DNAJC16: variants seen among roughly 807,000 people sequenced by gnomAD.
DNAJC16 encodes DnaJ heat shock protein family (Hsp40) member C16, also known as dnaJ homolog subfamily C member 16.
In DNAJC16, 76 loss-of-function variants were observed where a neutral mutation model predicts 92.7. That is an observed-to-expected ratio of 0.82 (90% CI 0.68 to 0.99). DNAJC16 has a LOEUF of 0.99. Among genes scored for constraint, DNAJC16 ranks in the 50% least tolerant of loss-of-function variants. The pLI, the probability that DNAJC16 is intolerant of heterozygous loss-of-function variation, is 0.00. For synonymous variants in DNAJC16, 328 were observed against 358.7 expected (o/e 0.91, Z 0.97); for missense variants, 869 against 942.4 (o/e 0.92, Z 1.02).
chr1:15,535,000 T>TATC (rs1222477418), intron 3 of DNAJC16, among the ~76,000 whole-genome samples: 5 of 152,250 alleles, frequency 3.3e-5, no homozygotes, highest in African/African-American at 1.2e-4. Context: ...TCAAGTAGAT[T>TATC]GGTCTGGAAT....
chr1:15,564,843 AT>A (rs111720991), intron 11 of DNAJC16, among the ~76,000 whole-genome samples: 1,671 of 142,680 alleles, frequency 0.012, 37 homozygotes, highest in African/African-American at 0.04. Flanking sequence ...TTTATTTTTT[AT>A]TTTTTTTTGA....
intron 7 of DNAJC16, among the ~76,000 whole-genome samples, chr1:15,556,287 T>C (rs1318967274): frequency 6.6e-6 from 1 of 152,106 alleles, no homozygotes; most frequent in Non-Finnish European, 1.5e-5. Flanking sequence ...CAGGCTGGAG[T>C]GCAATGGCCT....
chr1:15,551,781 TA>T (rs915738975), intron 7 of DNAJC16, among the ~76,000 whole-genome samples: 1 of 151,946 alleles, frequency 6.6e-6, no homozygotes, highest in African/African-American at 2.4e-5. Flanking sequence ...CTAATTTTTT[TA>T]AAAAATTTTT....
At chr1:15,527,288 C>T (rs994836395) in intron 1 of DNAJC16, among the ~76,000 whole-genome samples, 7 of 152,206 alleles carry the variant, frequency 4.6e-5, no homozygotes, top group Non-Finnish European at 1.0e-4. Context: ...CGCCGTCTAT[C>T]TCGCATGTCA....
At chr1:15,555,443 G>C (rs1638547191) in intron 7 of DNAJC16, among the ~76,000 whole-genome samples, 1 of 151,384 alleles carries the variant, frequency 6.6e-6, no homozygotes, top group Non-Finnish European at 1.5e-5. Flanking sequence ...CCAGCATTTT[G>C]GGAGGCTGAG....
At chr1:15,529,383 ATATC>A in intron 2 of DNAJC16, 111 bp downstream of exon 2, 3 of 1,087,728 alleles carry the variant, frequency 2.8e-6, no homozygotes, top group Non-Finnish European at 3.8e-6. Flanking sequence ...TTCAATATAT[ATATC>A]TGTCTAAAAT....
chr1:15,531,553 A>G (rs986991251), intron 2 of DNAJC16, among the ~76,000 whole-genome samples: 3 of 152,264 alleles, frequency 2.0e-5, no homozygotes, highest in Non-Finnish European at 2.9e-5. Flanking sequence ...GCCTTTGACA[A>G]TATTTTAAGA....
chr1:15,559,860 T>C (rs1638653120), intron 8 of DNAJC16, among the ~76,000 whole-genome samples: 1 of 151,700 alleles, frequency 6.6e-6, no homozygotes, highest in South Asian at 2.1e-4. Flanking sequence ...GGTCCGGAGT[T>C]CAAGACCAGC....
intron 8 of DNAJC16, among the ~76,000 whole-genome samples, 162 bp from the exon 9 acceptor site, chr1:15,561,980 G>A: frequency 6.6e-6 from 1 of 152,186 alleles, no homozygotes. Context: ...GTTTGTTAAT[G>A]ACTTGGAAAT....
chr1:15,532,112 A>G (rs1710675427), intron 2 of DNAJC16, among the ~76,000 whole-genome samples: 1 of 152,234 alleles, frequency 6.6e-6, no homozygotes, highest in Non-Finnish European at 1.5e-5. Flanking sequence ...TGTTATCCAC[A>G]TTAGCAAAAG....
In DNAJC16 at chr1:15,568,344, T is replaced by A; in HGVS notation, c.*167T>A. ...CCTTTGTCCTGTTCTAACCTAGGAA[T>A]GAAAAACACCACCAGTTTGAATCGC... On this transcript the variant is annotated 3_prime_UTR_variant, in exon 15 of 15. Coordinates refer to ENST00000375847, the MANE Select transcript of DNAJC16 (RefSeq NM_015291.4). 1 of 595,464 alleles carries A rather than the reference T, an allele frequency of 1.7e-6. No individual in the cohort carries two copies. The highest frequency in any genetic ancestry group is 2.8e-6 in the Non-Finnish European group (1 of 353,626). 36.9% of individuals were successfully genotyped at this position (595,464 alleles called of 1,614,324 possible).
intron 9 of DNAJC16, among the ~76,000 whole-genome samples, chr1:15,563,663 TAAA>T (rs57751838): frequency 2.4e-4 from 13 of 53,208 alleles, no homozygotes; most frequent in African/African-American, 8.1e-4. Context: ...CCATCTCTAC[TAAA>T]AAAAAAAAAA....
Position 15,550,490 on chromosome 1 carries a change from A to G in DNAJC16, c.1023+2062A>G, listed in dbSNP as rs182053174. Among the ~76,000 whole-genome samples the G allele has an allele frequency of 4.6e-5, 7 of 152,306 alleles. No homozygotes were observed. In the East Asian group the frequency reaches 1.4e-3, roughly 29 times the overall value. ...CTCTAGGTAATTTGTTGTCATTGCT[A>G]TATGGTATTTATGGCCATTATAATT... On this transcript the variant is annotated intron_variant, in intron 7 of 14. Coordinates refer to ENST00000375847, the MANE Select transcript of DNAJC16 (RefSeq NM_015291.4).
At chr1:15,534,357 G>A in intron 3 of DNAJC16, 54 bp downstream of exon 3, 2 of 1,577,018 alleles carry the variant, frequency 1.3e-6, no homozygotes, top group Non-Finnish European at 1.7e-6. Context: ...ATATGCCTTA[G>A]GAGGTGATGA....
Position 15,567,165 on chromosome 1 carries a change from G to T in DNAJC16, c.1845G>T (p.Leu615Phe). Residue 615 changes from leucine (L) to phenylalanine (F), a missense_variant, in exon 14 of 15, where the codon TTG becomes TTT. Transcript: ENST00000375847. ...ELTDVTYTSNLVRLRPGHMNV... is the reference protein window; with the variant it reads ...ELTDVTYTSNFVRLRPGHMNV... Reference sequence around the variant, plus strand: ...CAGATGTAACATACACCAGTAACTTGGTACGTCTGAGGCCAGGCCACATGA... The same window carrying T: ...CAGATGTAACATACACCAGTAACTTTGTACGTCTGAGGCCAGGCCACATGA... The T allele has an allele frequency of 6.2e-7, 1 of 1,614,080 alleles. No individual in the cohort carries two copies. The highest frequency in any genetic ancestry group is 8.5e-7 in the Non-Finnish European group (1 of 1,179,956).
intron 3 of DNAJC16, 60 bp downstream of exon 3, chr1:15,534,363 G>A: frequency 6.4e-7 from 1 of 1,558,948 alleles, no homozygotes. Flanking sequence ...CTTAGGAGGT[G>A]ATGAGTTTTG....
In DNAJC16 at chr1:15,568,192, G is replaced by C; in HGVS notation, c.*15G>C. On this transcript the variant is annotated 3_prime_UTR_variant, in exon 15 of 15. Coordinates refer to ENST00000375847, the MANE Select transcript of DNAJC16 (RefSeq NM_015291.4). ...AACTAGACTGAGAGGATTTTCCAAA[G>C]AGATTTGAACTCTTCAGACTTTTTA... 1.3e-6 allele frequency: 2 copies of C among 1,588,906 alleles called. No individual in the cohort carries two copies. Among genetic ancestry groups the C allele is most frequent in the Non-Finnish European group, 1.7e-6 (2 of 1,167,528 alleles).
Position 15,566,948 on chromosome 1 carries a change from TC to T in DNAJC16, c.1779-147del, listed in dbSNP as rs891537603. On this transcript the variant is annotated intron_variant, in intron 13 of 14. Coordinates refer to ENST00000375847, the MANE Select transcript of DNAJC16 (RefSeq NM_015291.4). Reference sequence around the variant, plus strand: ...GGTCAGGGATTACCAAGTCAGGCCATCCCCATCCTACCAATGTGTTAGACTC... The same window carrying T: ...GGTCAGGGATTACCAAGTCAGGCCATCCCATCCTACCAATGTGTTAGACTC... 46 of 647,110 alleles carry T rather than the reference TC, an allele frequency of 7.1e-5. No homozygotes were observed. The African/African-American group carries it at 7.3e-4, about 10-fold the overall frequency. The allele number at this position is 647,110 out of a possible 1,614,324, so 40.1% of individuals were successfully genotyped here. A position where few individuals can be genotyped will look rare whatever the true frequency, so the allele number is the denominator to read the frequency against.
At chr1:15,565,125 A>G (rs2753299) in intron 11 of DNAJC16, 146,858 of 152,522 alleles carry the variant, frequency 0.96, 70,758 homozygotes, top group East Asian at 1. Context: ...GTGTGCCACC[A>G]TGCCCGGCCA....
Sources: allele counts gnomAD v4.1 joint callset (sites outside exome capture counted in the v4.1 genomes callset), GRCh38; gene constraint gnomAD v4.1.1; transcripts MANE v1.5; gene names NCBI Gene and HGNC (gene_info 2026-07-23, HGNC 2026-07-21).